SFI1: variants seen among roughly 807,000 people sequenced by gnomAD.
SFI1 encodes the protein protein SFI1 homolog.
Under a neutral mutation model 207.5 loss-of-function variants are expected in SFI1, and 195 were observed. That is an observed-to-expected ratio of 0.94 (90% confidence interval 0.84 to 1.06). The LOEUF (loss-of-function observed/expected upper bound fraction) is 1.06, where lower values mean the gene tolerates loss of function less well. Ranked by LOEUF, SFI1 falls within the 50% of genes least tolerant of loss-of-function variation. The probability of loss-of-function intolerance (pLI) is 0.00; values close to 1 mark genes in which losing one functional copy is unlikely to be tolerated. For synonymous variants in SFI1, 630 were observed against 598.9 expected, an observed-to-expected ratio of 1.05 and a Z score of -0.76; for missense variants, 1,634 against 1,588.0, an observed-to-expected ratio of 1.03 and a Z score of -0.49.
rs2058193968 is a variant in SFI1, at chr22:31,528,873, T to C, written c.266+10T>C. ...GAGAACTGCGCATCAGGTGAGCTTA[T>C]GAGTGGCCACCAGTCTATGGGTACT... On this transcript the variant is annotated intron_variant, in intron 3 of 32. Transcript: ENST00000400288. 1 of 1,608,418 alleles carries C rather than the reference T, an allele frequency of 6.2e-7. No individual in the cohort carries two copies. Among genetic ancestry groups the C allele is most frequent in the East Asian group, 2.2e-5 (1 of 44,772 alleles).
At chr22:31,559,627 C>T (rs754821649) in intron 7 of SFI1, 19 of 704,112 alleles carry the variant, frequency 2.7e-5, no homozygotes, top group African/African-American at 3.5e-5. Flanking sequence ...GGAAAGCTGA[C>T]GTTGACCTCA....
Position 31,618,538 on chromosome 22 carries a change from A to T in SFI1, c.*120A>T. 5.7e-6 allele frequency: 6 copies of T among 1,052,680 alleles called. No homozygotes were observed. The South Asian group carries it at 1.2e-4, about 21-fold the overall frequency. 65.2% of individuals were successfully genotyped at this position (1,052,680 alleles called of 1,614,324 possible). ...TTCAAAATGCTTTGCAATTAAATGAATTACTGTTCAGAAGTCTCCCACTTT... is the reference window on the plus strand; with the variant it reads ...TTCAAAATGCTTTGCAATTAAATGATTTACTGTTCAGAAGTCTCCCACTTT... On this transcript the variant is annotated 3_prime_UTR_variant, in exon 33 of 33. Coordinates refer to ENST00000400288, the MANE Select transcript of SFI1 (RefSeq NM_001007467.3).
intron 15 of SFI1, among the ~76,000 whole-genome samples, chr22:31,591,686 T>G (rs1201040609): frequency 3.2e-5 from 2 of 61,828 alleles, no homozygotes; most frequent in Admixed American, 1.5e-4. Flanking sequence ...GGCGGCTGGC[T>G]GGGCAGAGGG....
In SFI1 at chr22:31,557,045, A is replaced by G; in HGVS notation, c.648A>G (p.Gln216=). The G allele has an allele frequency of 6.2e-7, 1 of 1,605,912 alleles. No individual in the cohort carries two copies. Among genetic ancestry groups the G allele is most frequent in the Non-Finnish European group, 8.5e-7 (1 of 1,174,818 alleles). The change falls in exon 7 of 33, where the codon CAA becomes CAG. Residue 216 remains glutamine, a synonymous_variant. Transcript: ENST00000400288. ...QMQTTALEFR[Q]RIILRVWWST... is the part of the protein sequence containing the mutation. ...AGACTACAGCTCTGGAGTTTAGGCAACGGATTATCTTACGGTGAGTCTGCT... is the reference window on the plus strand; with the variant it reads ...AGACTACAGCTCTGGAGTTTAGGCAGCGGATTATCTTACGGTGAGTCTGCT...
In SFI1 at chr22:31,613,634, C is replaced by T; in HGVS notation, c.2775C>T (p.Arg925=). ...ACAGTCTCCATCGTGCCGTCCGCCG[C>T]TGTGCCACGCTCTGGAAACAGAAAG... ...AAHSLHRAVR[R]CATLWKQKVL... is the part of the protein sequence containing the mutation. Residue 925 remains arginine, a synonymous_variant, in exon 27 of 33, where the codon CGC becomes CGT. Coordinates refer to ENST00000400288, the MANE Select transcript of SFI1 (RefSeq NM_001007467.3). The T allele has an allele frequency of 1.3e-6, 2 of 1,596,622 alleles. No individual in the cohort carries two copies. The highest frequency in any genetic ancestry group is 1.1e-5 in the South Asian group (1 of 89,656).
At position 31,573,822 on chromosome 22, in the gene SFI1, G is replaced by A. The variant is rs976930280; in HGVS notation, c.922+608G>A. 3.3e-5 allele frequency among the ~76,000 whole-genome samples: 5 copies of A among 152,112 alleles called. No individual in the cohort carries two copies. The East Asian group carries it at 5.8e-4, about 18-fold the overall frequency. On this transcript the variant is annotated intron_variant, in intron 9 of 32. Coordinates refer to ENST00000400288, the MANE Select transcript of SFI1 (RefSeq NM_001007467.3). ...TTTGATTAATATGTTGATAACCTATGGTTTTGTATCTTCCTTTTTTCCACA... is the reference window on the plus strand; with the variant it reads ...TTTGATTAATATGTTGATAACCTATAGTTTTGTATCTTCCTTTTTTCCACA...
intron 5 of SFI1, among the ~76,000 whole-genome samples, chr22:31,547,212 G>A (rs1306945952): frequency 6.6e-6 from 1 of 152,040 alleles, no homozygotes; most frequent in Non-Finnish European, 1.5e-5. Flanking sequence ...TAACCATTAT[G>A]TATTGGTTAT....
chr22:31,543,506 A>T (rs1288484102), intron 4 of SFI1, among the ~76,000 whole-genome samples: 1 of 152,186 alleles, frequency 6.6e-6, no homozygotes. Flanking sequence ...TTTGTAAGCT[A>T]GTTTTTAAAA....
chr22:31,580,371 G>T lies in SFI1; in HGVS notation c.1248+7G>T, dbSNP rs144546666. The T allele has an allele frequency of 7.9e-5, 127 of 1,610,842 alleles. 2 individuals carry two copies. The African/African-American group carries it at 1.2e-3, about 16-fold the overall frequency. On this transcript the variant is annotated splice_region_variant and intron_variant, in intron 12 of 32. Transcript: ENST00000400288. ...CCAGCAGCATGGTGTCACGGTGAGG[G>T]TTGTCTTCTGTATCAAGGGACCTCT...
At chr22:31,529,459 G>A (rs1040036357) in intron 3 of SFI1, among the ~76,000 whole-genome samples, 2 of 152,162 alleles carry the variant, frequency 1.3e-5, no homozygotes, top group Non-Finnish European at 2.9e-5. Context: ...CTGGGAGGCC[G>A]AGGTTGCAGT....
chr22:31,577,356 G>GGT (rs1047460690), intron 10 of SFI1, among the ~76,000 whole-genome samples: 2 of 152,166 alleles, frequency 1.3e-5, no homozygotes, highest in Admixed American at 6.5e-5. Context: ...GGGCTGTGGA[G>GGT]GTAGGGATGG....
Position 31,603,754 on chromosome 22 carries a change from A to C in SFI1, c.1816A>C (p.Arg606=), listed in dbSNP as rs1318816216. The change falls in exon 18 of 33, where the codon AGG becomes CGG. Residue 606 remains arginine (R), a synonymous_variant. Coordinates refer to ENST00000400288, the MANE Select transcript of SFI1 (RefSeq NM_001007467.3). The part of the protein sequence containing the change: ...AQGLRTERTG[R]VRAAEFHMAQ... ...GCCATCTCCCCACAGGAGGACGGGC[A>C]GGGTGCGGGCAGCAGAATTCCACAT... The C allele has an allele frequency of 1.3e-6, 2 of 1,539,268 alleles. No individual in the cohort carries two copies. The highest frequency in any genetic ancestry group is 1.7e-6 in the Non-Finnish European group (2 of 1,156,336).
intron 24 of SFI1, chr22:31,612,433 T>TGG (rs2070498504): frequency 1.1e-5 from 1 of 94,624 alleles, no homozygotes; most frequent in Non-Finnish European, 2.1e-5. Flanking sequence ...ATATAATCAG[T>TGG]GGGCCGGGCA....
At chr22:31,528,466 G>C (rs1321691530) in intron 2 of SFI1, among the ~76,000 whole-genome samples, 1 of 152,130 alleles carries the variant, frequency 6.6e-6, no homozygotes, top group African/African-American at 2.4e-5. Context: ...TCCAGGGGGT[G>C]CCCTCCAGCT....
intron 14 of SFI1, among the ~76,000 whole-genome samples, chr22:31,588,479 G>C (rs1352023764): frequency 6.6e-6 from 1 of 152,194 alleles, no homozygotes; most frequent in Non-Finnish European, 1.5e-5. Flanking sequence ...TCACTTCTCA[G>C]TGAAGGAGGA....
rs549374567 is a variant in SFI1, at chr22:31,508,107, T to C, written c.-30-148T>C. The C allele has an allele frequency of 1.3e-5, 5 of 384,188 alleles. No individual in the cohort carries two copies. In the Admixed American group the frequency reaches 2.2e-4, roughly 17 times the overall value. The allele number at this position is 384,188 out of a possible 1,614,324, so 23.8% of individuals were successfully genotyped here. A position where few individuals can be genotyped will look rare whatever the true frequency, so the allele number is the denominator to read the frequency against. ...ATTAAAAAAAAAAGTAATTTAAATA[T>C]AATATTTTAAGTCAGAGACCTAGCC... On this transcript the variant is annotated intron_variant, in intron 1 of 32. Coordinates refer to ENST00000400288, the MANE Select transcript of SFI1 (RefSeq NM_001007467.3).
At chr22:31,534,693 A>C (rs1378336392) in intron 4 of SFI1, among the ~76,000 whole-genome samples, 1 of 151,730 alleles carries the variant, frequency 6.6e-6, no homozygotes, top group Non-Finnish European at 1.5e-5. Context: ...TCTTTTGAAG[A>C]TTCATTGCTT....
intron 8 of SFI1, among the ~76,000 whole-genome samples, chr22:31,570,122 CAATA>C (rs59801672): frequency 0.085 from 12,451 of 146,718 alleles, 624 homozygotes; most frequent in African/African-American, 0.15. Context: ...GAGACTCTGT[CAATA>C]AATAAATAAA....
In SFI1 at chr22:31,553,818, AT is replaced by A. The variant is rs1336548883; in HGVS notation, c.545-3115del. Among the ~76,000 whole-genome samples, 74 of 23,396 alleles carry A rather than the reference AT, an allele frequency of 3.2e-3. 1 individual carries two copies. Among genetic ancestry groups the A allele is most frequent in the African/African-American group, 8.3e-3 (55 of 6,640 alleles). 15.3% of individuals were successfully genotyped at this position (23,396 alleles called of 152,430 possible). On this transcript the variant is annotated intron_variant, in intron 6 of 32. Transcript: ENST00000400288. ...TTTTAATTTTGATGAAGTCCATTCT[AT>A]TTTTTTTTAATGGATTATGTTTTTT...
Sources: allele counts gnomAD v4.1 joint callset (sites outside exome capture counted in the v4.1 genomes callset), GRCh38; gene constraint gnomAD v4.1.1; transcripts MANE v1.5; gene names NCBI Gene and HGNC (gene_info 2026-07-23, HGNC 2026-07-21).